Variants in GRM8 observed in about 807,000 individuals in gnomAD.
The protein encoded by GRM8 is metabotropic glutamate receptor 8.
In GRM8, 47 loss-of-function variants were observed where a neutral mutation model predicts 87.2. The observed-to-expected ratio is 0.54, with a 90% CI of 0.43 to 0.69. The LOEUF is 0.69. Ranked by LOEUF, GRM8 falls within the 30% of genes least tolerant of loss-of-function variation. The pLI, the probability that GRM8 is intolerant of heterozygous loss-of-function variation, is 0.00. For synonymous variants in GRM8, 396 were observed against 404.5 expected (o/e 0.98, Z 0.25); for missense variants, 1,019 against 1,139.2 (o/e 0.89, Z 1.52).
intron 3 of GRM8, among the ~76,000 whole-genome samples, chr7:126,946,416 A>G (rs963843): frequency 0.93 from 141,118 of 152,240 alleles, 65,616 homozygotes; most frequent in East Asian, 1. Context: ...TCAGAGGATC[A>G]CTTGGGCCTA....
chr7:126,574,619 T>A (rs1004428162), intron 8 of GRM8, among the ~76,000 whole-genome samples: 7 of 152,178 alleles, frequency 4.6e-5, no homozygotes, highest in Admixed American at 6.5e-5. Context: ...GTTTTCCAAC[T>A]CTCTCTTCAC....
At chr7:126,842,314 T>C (rs924239047) in intron 6 of GRM8, among the ~76,000 whole-genome samples, 1 of 152,172 alleles carries the variant, frequency 6.6e-6, no homozygotes, top group Non-Finnish European at 1.5e-5. Flanking sequence ...TATAGTTTCT[T>C]TAGCTGACCC....
chr7:126,925,024 T>C (rs575091206), intron 3 of GRM8, among the ~76,000 whole-genome samples: 1 of 151,686 alleles, frequency 6.6e-6, no homozygotes, highest in Non-Finnish European at 1.5e-5. Context: ...GGAAGGAAGA[T>C]GGTGGTTAAT....
At chr7:126,559,478 C>A (rs901323927) in intron 8 of GRM8, among the ~76,000 whole-genome samples, 1 of 152,112 alleles carries the variant, frequency 6.6e-6, no homozygotes, top group East Asian at 1.9e-4. Context: ...GAGCCAGCTA[C>A]TGGTAATTTT....
chr7:127,191,422 T>A (rs1795022900), intron 2 of GRM8, among the ~76,000 whole-genome samples: 1 of 152,202 alleles, frequency 6.6e-6, no homozygotes, highest in Non-Finnish European at 1.5e-5. Context: ...CCAGAGAATA[T>A]AATGAATATA....
intron 3 of GRM8, among the ~76,000 whole-genome samples, chr7:126,914,994 G>A (rs1259800564): frequency 6.6e-6 from 1 of 152,202 alleles, no homozygotes; most frequent in Non-Finnish European, 1.5e-5. Context: ...CCCCTCTCCT[G>A]CCTGTCTGCA....
chr7:126,739,312 G>T (rs542129659), intron 7 of GRM8, among the ~76,000 whole-genome samples: 14 of 151,968 alleles, frequency 9.2e-5, no homozygotes, highest in African/African-American at 3.1e-4. Flanking sequence ...GATGACAAAA[G>T]TTCTAATAAA....
intron 2 of GRM8, among the ~76,000 whole-genome samples, chr7:127,139,327 T>C (rs888240569): frequency 2.0e-5 from 3 of 152,046 alleles, no homozygotes; most frequent in Admixed American, 6.5e-5. Flanking sequence ...GATAACAAAA[T>C]GTAACCTGAG....
intron 6 of GRM8, among the ~76,000 whole-genome samples, chr7:126,881,821 C>A (rs1800047765): frequency 1.3e-5 from 2 of 152,166 alleles, no homozygotes; most frequent in South Asian, 4.1e-4. Flanking sequence ...TATAAAATAT[C>A]TTGTCCCATA....
intron 8 of GRM8, among the ~76,000 whole-genome samples, chr7:126,538,603 C>A (rs565302029): frequency 6.6e-6 from 1 of 152,014 alleles, no homozygotes; most frequent in African/African-American, 2.4e-5. Flanking sequence ...TTTCCTCTTG[C>A]TCTACATGTA....
chr7:126,563,286 T>A (rs1413832275), intron 8 of GRM8, among the ~76,000 whole-genome samples: 1 of 132,412 alleles, frequency 7.6e-6, no homozygotes, highest in African/African-American at 2.9e-5. Context: ...ACTTGCCCTG[T>A]GGTTTTTTTT....
At chr7:127,070,744 C>G (rs1027765536) in intron 3 of GRM8, among the ~76,000 whole-genome samples, 1 of 152,084 alleles carries the variant, frequency 6.6e-6, no homozygotes. Context: ...ACTGAAGGGA[C>G]TATGATTATC....
intron 3 of GRM8, among the ~76,000 whole-genome samples, chr7:126,997,661 T>C (rs535582893): frequency 3.3e-5 from 5 of 151,734 alleles, no homozygotes; most frequent in Non-Finnish European, 5.9e-5. Context: ...AGCAATTATA[T>C]GCTAATAAAT....
At chr7:127,159,587 G>C (rs575150842) in intron 2 of GRM8, among the ~76,000 whole-genome samples, 2 of 151,960 alleles carry the variant, frequency 1.3e-5, no homozygotes, top group Non-Finnish European at 2.9e-5. Flanking sequence ...AAAAATGACA[G>C]GACTGAAAGT....
At chr7:127,231,640 T>A (rs1221984808) in intron 2 of GRM8, among the ~76,000 whole-genome samples, 1 of 152,100 alleles carries the variant, frequency 6.6e-6, no homozygotes, top group Non-Finnish European at 1.5e-5. Context: ...ATGTCAGCCA[T>A]CTCTGGCAGA....
intron 9 of GRM8, among the ~76,000 whole-genome samples, chr7:126,462,181 G>A (rs962613393): frequency 4.0e-5 from 6 of 151,404 alleles, no homozygotes; most frequent in Admixed American, 6.6e-5. Context: ...GTGACAGAAT[G>A]TGAACTTTTC....
At chr7:127,220,725 G>GTACT (rs1305375482) in intron 2 of GRM8, among the ~76,000 whole-genome samples, 1 of 152,096 alleles carries the variant, frequency 6.6e-6, no homozygotes, top group Non-Finnish European at 1.5e-5. Flanking sequence ...CTGGGCTCAA[G>GTACT]TACTCCCCCT....
chr7:127,167,849 A>C (rs546428009), intron 2 of GRM8, among the ~76,000 whole-genome samples: 1 of 152,242 alleles, frequency 6.6e-6, no homozygotes, highest in South Asian at 2.1e-4. Context: ...AGTGAAAGGA[A>C]GCCTCTCACT....
chr7:126,718,132 G>A (rs1448141728), intron 7 of GRM8, among the ~76,000 whole-genome samples: 1 of 152,088 alleles, frequency 6.6e-6, no homozygotes, highest in African/African-American at 2.4e-5. Flanking sequence ...AGCTACTCGG[G>A]AGGCTGAGGC....
Sources: gnomAD v4.1 joint callset for allele counts (sites outside exome capture counted in the v4.1 genomes callset) on GRCh38, gnomAD v4.1.1 for gene constraint, MANE v1.5 for transcripts, NCBI Gene and HGNC (gene_info 2026-07-23, HGNC 2026-07-21) for gene names.